The following DDX1 variants were observed in gnomAD, a reference collection of about 807,000 sequenced individuals.
The protein encoded by DDX1 is ATP-dependent RNA helicase DDX1.
A neutral mutation model predicts 108.7 loss-of-function variants in DDX1; 28 were observed. The observed-to-expected ratio is 0.26, with a 90% CI of 0.19 to 0.35. DDX1 has a LOEUF of 0.35. DDX1 is among the 10% of genes least tolerant of loss of function. The pLI is 1.00. For missense variants in DDX1, 710 were observed against 884.5 expected, an observed-to-expected ratio of 0.80 and a Z score of 2.50; for synonymous variants, 295 against 288.9, an observed-to-expected ratio of 1.02 and a Z score of -0.21.
At chr2:15,612,189 G>A (rs1196222895) in intron 13 of DDX1, among the ~76,000 whole-genome samples, 6 of 149,758 alleles carry the variant, frequency 4.0e-5, no homozygotes, top group Admixed American at 1.3e-4. Context: ...GGCGGTGGGT[G>A]ACCCCCACCT....
At position 15,619,321 on chromosome 2, in the gene DDX1, G is replaced by A. The variant is rs531169661; in HGVS notation, c.1207-887G>A. Among the ~76,000 whole-genome samples, 132 of 152,340 alleles carry A rather than the reference G, an allele frequency of 8.7e-4. 1 individual carries two copies. Among genetic ancestry groups the A allele is most frequent in the African/African-American group, 3.0e-3 (126 of 41,582 alleles). On this transcript the variant is annotated intron_variant, in intron 16 of 25. Coordinates refer to ENST00000233084, the MANE Select transcript of DDX1 (RefSeq NM_004939.3). Reference sequence around the variant, plus strand: ...CCCCGCAGCAGTGGCGGGCAAGAGCGGCAACACGGGGCCAGGGTCCAGAGT... The same window carrying A: ...CCCCGCAGCAGTGGCGGGCAAGAGCAGCAACACGGGGCCAGGGTCCAGAGT...
chr2:15,623,785 A>G (rs1459011660), intron 19 of DDX1, among the ~76,000 whole-genome samples: 1 of 152,162 alleles, frequency 6.6e-6, no homozygotes, highest in Non-Finnish European at 1.5e-5. Flanking sequence ...GTACATTTTC[A>G]TTACAGTAAA....
rs1301586080 is a variant in DDX1 at position 15,628,528 on chromosome 2, A to G, written c.1759+11A>G. On this transcript the variant is annotated intron_variant, in intron 21 of 25. Transcript: ENST00000233084. Reference sequence around the variant, plus strand: ...ACGGTGTTCCTTATGGTAAAAAGCAACTTTTTATGCCTGTAGTGTGATTGT... The same window carrying G: ...ACGGTGTTCCTTATGGTAAAAAGCAGCTTTTTATGCCTGTAGTGTGATTGT... The G allele has an allele frequency of 1.9e-6, 3 of 1,608,394 alleles. No homozygotes were observed. Among genetic ancestry groups the G allele is most frequent in the Non-Finnish European group, 2.6e-6 (3 of 1,174,932 alleles).
intron 12 of DDX1, among the ~76,000 whole-genome samples, 191 bp from the exon 13 acceptor site, chr2:15,606,984 A>G (rs1665672575): frequency 6.6e-6 from 1 of 152,134 alleles, no homozygotes; most frequent in African/African-American, 2.4e-5. Flanking sequence ...TCACCCCACC[A>G]GCCCAAATAG....
chr2:15,608,685 T>TTTTA (rs869267698), intron 13 of DDX1, among the ~76,000 whole-genome samples: 8 of 147,642 alleles, frequency 5.4e-5, no homozygotes, highest in African/African-American at 2.0e-4. Flanking sequence ...TTTTTTTTTT[T>TTTTA]ATGAAGTCTC....
chr2:15,625,055 T>G (rs1666078384), intron 19 of DDX1, among the ~76,000 whole-genome samples: 2 of 152,106 alleles, frequency 1.3e-5, no homozygotes, highest in Admixed American at 6.6e-5. Context: ...ACACACTAAG[T>G]GTCCATCAGT....
At chr2:15,595,655 T>A in intron 3 of DDX1, 102 bp downstream of exon 3, 1 of 849,624 alleles carries the variant, frequency 1.2e-6, no homozygotes, top group Non-Finnish European at 2.0e-6. Context: ...ACATTTATGA[T>A]ACATATACTG....
At chr2:15,592,977 A>G (rs894814967) in intron 1 of DDX1, among the ~76,000 whole-genome samples, 4 of 151,386 alleles carry the variant, frequency 2.6e-5, no homozygotes, top group Non-Finnish European at 4.4e-5. Context: ...CTGGAGTGCA[A>G]TGGTGTGATC....
At chr2:15,630,653 T>C in intron 25 of DDX1, 123 bp from the exon 26 acceptor site, 1 of 907,822 alleles carries the variant, frequency 1.1e-6, no homozygotes, top group Non-Finnish European at 1.7e-6. Context: ...GGAGATAACT[T>C]GCCCAGTAGT....
At chr2:15,623,346 A>T in intron 18 of DDX1, 90 bp from the exon 19 acceptor site, 1 of 1,216,416 alleles carries the variant, frequency 8.2e-7, no homozygotes. Flanking sequence ...TAGGAAAATT[A>T]AGCAGTCAGT....
In DDX1 at chr2:15,593,921, G is replaced by GA. The variant is rs1242860722; in HGVS notation, c.17-1216dup. On this transcript the variant is annotated intron_variant, in intron 1 of 25. Coordinates refer to ENST00000233084, the MANE Select transcript of DDX1 (RefSeq NM_004939.3). The stretch of plus-strand genomic sequence containing the variant: ...GAAACCCCGTCTCTACTAAAAATAT[G>GA]AAAAAAAATTAGCGGGCGTGGTGGC... 4.0e-5 allele frequency among the ~76,000 whole-genome samples: 6 copies of GA among 151,590 alleles called. No individual in the cohort carries two copies. In the East Asian group the frequency reaches 5.8e-4, roughly 15 times the overall value.
intron 2 of DDX1, 23 bp downstream of exon 2, chr2:15,595,219 T>C: frequency 6.4e-7 from 1 of 1,562,560 alleles, no homozygotes; most frequent in Non-Finnish European, 8.7e-7. Context: ...AGCCTAAATG[T>C]ACCTGGGAGA....
intron 1 of DDX1, among the ~76,000 whole-genome samples, 190 bp downstream of exon 1, chr2:15,592,139 A>G (rs1665423913): frequency 6.6e-6 from 1 of 152,158 alleles, no homozygotes; most frequent in African/African-American, 2.4e-5. Context: ...TCGGAGGACG[A>G]TTCTTCCCAG....
intron 8 of DDX1, 37 bp downstream of exon 8, chr2:15,603,312 C>T: frequency 7.6e-7 from 1 of 1,315,890 alleles, no homozygotes; most frequent in East Asian, 2.3e-5. Flanking sequence ...GATTGATTTA[C>T]ATTTGGGGGA....
Position 15,627,114 on chromosome 2 carries a change from A to C in DDX1, c.1655A>C (p.His552Pro), listed in dbSNP as rs761832183. 1.3e-5 allele frequency: 21 copies of C among 1,611,384 alleles called. No homozygotes were observed. The highest frequency in any genetic ancestry group is 5.0e-5 in the Admixed American group (3 of 59,770). Residue 552 changes from histidine (H) to proline (P), a missense_variant, in exon 20 of 26, where the codon CAT (histidine) becomes CCT (proline). By Grantham distance (77) the His-to-Pro change is moderately conservative. This residue lies in a region of DDX1 where 661 missense variants were observed against 810.2 expected (regional missense o/e 0.82). Coordinates refer to ENST00000233084, the MANE Select transcript of DDX1 (RefSeq NM_004939.3). ...TGTCTTCATGGTGACAGAAAGCCTC[A>C]TGAGAGAAAGCAAAACTTGGAAAGA... ...CVCLHGDRKP[H>P]ERKQNLERFK...
chr2:15,620,050 G>A (rs1665970066), intron 16 of DDX1, among the ~76,000 whole-genome samples, 158 bp from the exon 17 acceptor site: 1 of 152,174 alleles, frequency 6.6e-6, no homozygotes, highest in African/African-American at 2.4e-5. Context: ...AGGTTAACCT[G>A]CCCAAAGTCA....
At chr2:15,621,201 C>T (rs1272378685) in intron 18 of DDX1, 85 bp downstream of exon 18, 8 of 910,144 alleles carry the variant, frequency 8.8e-6, no homozygotes, top group Non-Finnish European at 1.2e-5. Context: ...GTGAGGTGAC[C>T]TGCAAAATTA....
chr2:15,596,659 A>G, intron 3 of DDX1, 75 bp from the exon 4 acceptor site: 1 of 1,267,628 alleles, frequency 7.9e-7, no homozygotes, highest in Non-Finnish European at 1.1e-6. Flanking sequence ...AAAGATTTCT[A>G]CATACTATGG....
chr2:15,595,461 C>A, intron 2 of DDX1, 29 bp from the exon 3 acceptor site: 1 of 1,587,748 alleles, frequency 6.3e-7, no homozygotes, highest in Non-Finnish European at 8.6e-7. Flanking sequence ...TCCCCAGTAA[C>A]TAAAATTCTT....
Sources: gnomAD v4.1 joint callset for allele counts (sites outside exome capture counted in the v4.1 genomes callset) on GRCh38, gnomAD v4.1.1 for gene constraint, gnomAD v4.1.1 regional missense constraint, MANE v1.5 for transcripts, NCBI Gene and HGNC (gene_info 2026-07-23, HGNC 2026-07-21) for gene names.